The following CDH13 variants were observed in gnomAD, a reference collection of about 807,000 sequenced individuals.
CDH13 encodes cadherin-13.
CDH13 carries 24 observed loss-of-function variants against 63.8 expected under a neutral mutation model. The observed-to-expected ratio is 0.38, with a 90% CI of 0.27 to 0.53. The LOEUF is 0.53. Among genes scored for constraint, CDH13 ranks in the 20% least tolerant of loss-of-function variants. The pLI is 0.85. For synonymous variants in CDH13, 503 were observed against 355.3 expected (o/e 1.42, Z -4.67); for missense variants, 1,049 against 903.1 (o/e 1.16, Z -2.07).
At chr16:82,657,159 G>A (rs775801602) in intron 1 of CDH13, among the ~76,000 whole-genome samples, 3 of 148,160 alleles carry the variant, frequency 2.0e-5, no homozygotes, top group Non-Finnish European at 4.5e-5. Context: ...ATTGTACCAA[G>A]CCCTACATAC....
At chr16:83,514,901 G>T (rs79599475) in intron 7 of CDH13, among the ~76,000 whole-genome samples, 2,603 of 152,204 alleles carry the variant, frequency 0.017, 26 homozygotes, top group Middle Eastern at 0.037. Flanking sequence ...AATTTCTGTT[G>T]TTTTGAGCCC....
At chr16:83,254,013 A>G (rs1258787221) in intron 5 of CDH13, among the ~76,000 whole-genome samples, 1 of 152,172 alleles carries the variant, frequency 6.6e-6, no homozygotes, top group Non-Finnish European at 1.5e-5. Flanking sequence ...AGGCCAAGAG[A>G]ATGTCTTGCT....
At chr16:82,955,256 C>T (rs976717654) in intron 2 of CDH13, among the ~76,000 whole-genome samples, 5 of 152,224 alleles carry the variant, frequency 3.3e-5, no homozygotes, top group East Asian at 1.9e-4. Context: ...AAGCAAGATG[C>T]CTGCCTTACA....
chr16:83,543,078 T>C (rs981866003), intron 7 of CDH13, among the ~76,000 whole-genome samples: 2 of 152,268 alleles, frequency 1.3e-5, no homozygotes, highest in African/African-American at 4.8e-5. Context: ...TTTCTTTCAG[T>C]ACATCCTACC....
At chr16:82,896,562 A>G (rs1035180409) in intron 2 of CDH13, among the ~76,000 whole-genome samples, 1 of 151,044 alleles carries the variant, frequency 6.6e-6, no homozygotes, top group East Asian at 2.0e-4. Flanking sequence ...TTCCAAAGAG[A>G]TGGGATTACA....
intron 1 of CDH13, among the ~76,000 whole-genome samples, chr16:82,845,036 C>A (rs1360207098): frequency 6.6e-6 from 1 of 152,096 alleles, no homozygotes; most frequent in Non-Finnish European, 1.5e-5. Context: ...GCATGTTTTC[C>A]TGAAATCAGA....
At chr16:82,845,789 A>G (rs918992625) in intron 1 of CDH13, among the ~76,000 whole-genome samples, 1 of 152,208 alleles carries the variant, frequency 6.6e-6, no homozygotes, top group African/African-American at 2.4e-5. Flanking sequence ...AAATAGATGC[A>G]AATACCACCA....
At chr16:83,590,591 C>T (rs558248378) in intron 7 of CDH13, among the ~76,000 whole-genome samples, 2 of 151,686 alleles carry the variant, frequency 1.3e-5, no homozygotes, top group Non-Finnish European at 1.5e-5. Flanking sequence ...TGTTTTTTCT[C>T]GAAATGGACG....
intron 1 of CDH13, among the ~76,000 whole-genome samples, chr16:82,771,091 C>G (rs1432461075): frequency 6.6e-6 from 1 of 152,170 alleles, no homozygotes; most frequent in Non-Finnish European, 1.5e-5. Context: ...ATTTGTTTGA[C>G]TATACTTCAT....
chr16:83,115,824 A>G (rs2035267091), intron 3 of CDH13, among the ~76,000 whole-genome samples: 1 of 152,200 alleles, frequency 6.6e-6, no homozygotes, highest in African/African-American at 2.4e-5. Context: ...GGTTTTCACT[A>G]TTTCTCCCTA....
intron 6 of CDH13, among the ~76,000 whole-genome samples, chr16:83,428,271 A>G (rs762473620): frequency 2.0e-5 from 3 of 152,236 alleles, no homozygotes; most frequent in Non-Finnish European, 2.9e-5. Context: ...AACAGCAGGC[A>G]GCAAAAACAG....
chr16:83,094,744 C>G (rs1344855791), intron 3 of CDH13, among the ~76,000 whole-genome samples: 1 of 152,192 alleles, frequency 6.6e-6, no homozygotes, highest in Non-Finnish European at 1.5e-5. Flanking sequence ...CAACTGTCTT[C>G]CCCTGAAAGT....
At chr16:82,938,405 A>G (rs1346571390) in intron 2 of CDH13, among the ~76,000 whole-genome samples, 1 of 152,354 alleles carries the variant, frequency 6.6e-6, no homozygotes. Flanking sequence ...AGCCCTCTCA[A>G]ATATCAATGG....
At chr16:83,043,861 T>C (rs1917549467) in intron 3 of CDH13, among the ~76,000 whole-genome samples, 1 of 152,122 alleles carries the variant, frequency 6.6e-6, no homozygotes, top group Admixed American at 6.6e-5. Context: ...ATGAACATTA[T>C]TCATAAGATA....
chr16:83,162,946 C>G (rs1189745600), intron 4 of CDH13, among the ~76,000 whole-genome samples: 1 of 152,010 alleles, frequency 6.6e-6, no homozygotes, highest in African/African-American at 2.4e-5. Context: ...GGCTGTGTCC[C>G]CACGTAAATC....
At position 83,375,300 on chromosome 16, in the gene CDH13, C is replaced by T. The variant is rs527390625; in HGVS notation, c.781+30294C>T. On this transcript the variant is annotated intron_variant, in intron 6 of 13. Coordinates refer to ENST00000567109, the MANE Select transcript of CDH13 (RefSeq NM_001257.5). ...GATTTTTAAAGAAGTGCTGAGGCCC[C>T]CTTGGGCCACAGCAGATAAGGGACT... 1.8e-4 allele frequency among the ~76,000 whole-genome samples: 27 copies of T among 152,244 alleles called. 2 individuals are homozygous for T. In the South Asian group the frequency reaches 3.9e-3, roughly 22 times the overall value.
chr16:82,819,290 C>T lies in CDH13; in HGVS notation c.46-39072C>T, dbSNP rs140731190. Among the ~76,000 whole-genome samples the T allele has an allele frequency of 5.0e-3, 765 of 152,242 alleles. 8 individuals carry two copies. Among genetic ancestry groups the T allele is most frequent in the African/African-American group, 0.018 (745 of 41,550 alleles). ...TGAAGGCATATTTCAAGTAACTTTC[C>T]AGATAAAGGAGGTATTGAACCTTTT... On this transcript the variant is annotated intron_variant, in intron 1 of 13. Transcript: ENST00000567109.
At chr16:82,966,534 T>A (rs1907861552) in intron 2 of CDH13, among the ~76,000 whole-genome samples, 1 of 152,230 alleles carries the variant, frequency 6.6e-6, no homozygotes, top group Non-Finnish European at 1.5e-5. Context: ...CAATCTGGGC[T>A]CAAACATTCC....
chr16:83,556,709 A>G (rs1383054611), intron 7 of CDH13, among the ~76,000 whole-genome samples: 1 of 152,222 alleles, frequency 6.6e-6, no homozygotes. Flanking sequence ...CAAGAATGTC[A>G]CTTAGAATCA....
Sources: allele counts gnomAD v4.1 joint callset (sites outside exome capture counted in the v4.1 genomes callset), GRCh38; gene constraint gnomAD v4.1.1; transcripts MANE v1.5; gene names NCBI Gene and HGNC (gene_info 2026-07-23, HGNC 2026-07-21).